The following TBC1D21 variants were observed in gnomAD, a reference collection of about 807,000 sequenced individuals.
TBC1D21 encodes male germ cell Rab GTPase-activating protein.
A neutral mutation model predicts 46.0 loss-of-function variants in TBC1D21; 38 were observed. The observed-to-expected ratio is 0.83, with a 90% CI of 0.64 to 1.08. TBC1D21 has a LOEUF of 1.08. TBC1D21 is among the 50% of genes least tolerant of loss of function. The probability of loss-of-function intolerance (pLI) is 0.00; values close to 1 mark genes in which losing one functional copy is unlikely to be tolerated. For missense variants in TBC1D21, 415 were observed against 417.9 expected (o/e 0.99, Z 0.06); for synonymous variants, 151 against 157.2 (o/e 0.96, Z 0.29).
intron 1 of TBC1D21, among the ~76,000 whole-genome samples, chr15:73,879,481 G>C (rs1276996941): frequency 1.3e-5 from 2 of 152,110 alleles, no homozygotes; most frequent in Non-Finnish European, 2.9e-5. Context: ...GCCTTCCAAA[G>C]TGCTGGGATT....
At position 73,886,110 on chromosome 15, in the gene TBC1D21, C is replaced by G; in HGVS notation, c.612C>G (p.Ala204=). 6.2e-7 allele frequency: 1 copy of G among 1,614,178 alleles called. No individual in the cohort carries two copies. Among genetic ancestry groups the G allele is most frequent in the Middle Eastern group, 1.6e-4 (1 of 6,062 alleles). Residue 204 remains alanine (A), a synonymous_variant, in exon 7 of 11, where the codon GCC becomes GCG. Transcript: ENST00000300504. ...GCTGTGTCATCAACATTGGCGTGGC[C>G]AAGAACCTAGACATGCTCAGCACCC... ...EHSCVINIGV[A]KNLDMLSTLI...
chr15:73,903,901 A>C, the TBC1D21 span, among the ~76,000 whole-genome samples: 21 of 152,298 alleles, frequency 1.4e-4, no homozygotes, highest in Middle Eastern at 3.4e-3. Context: ...AAAAAAAGTT[A>C]GCTGGGTGTG....
intron 3 of TBC1D21, among the ~76,000 whole-genome samples, chr15:73,883,940 T>G (rs756574541): frequency 6.6e-6 from 1 of 152,090 alleles, no homozygotes; most frequent in Admixed American, 6.5e-5. Flanking sequence ...GCCCAAGAAG[T>G]TAAACTGTCT....
At chr15:73,890,871 C>T (rs1341399788), downstream of TBC1D21, among the ~76,000 whole-genome samples, 2 of 152,162 alleles carry the variant, frequency 1.3e-5, no homozygotes, top group African/African-American at 2.4e-5. Context: ...CCCGACCACC[C>T]CTCTCAAGCC....
At chr15:73,887,768 T>G (rs2068277150) in intron 9 of TBC1D21, 32 bp downstream of exon 9, 1 of 1,586,616 alleles carries the variant, frequency 6.3e-7, no homozygotes, top group Admixed American at 1.7e-5. Context: ...CTACCACCCC[T>G]GCTCCTGGAG....
In TBC1D21 at chr15:73,878,412, A is replaced by T. The variant is rs548541442; in HGVS notation, c.61-2987A>T. Reference sequence around the variant, plus strand: ...ATCCCATGGAATCCACAAGAAAGCCACTACGACTACTAAGTGAGTTTTACT... The same window carrying T: ...ATCCCATGGAATCCACAAGAAAGCCTCTACGACTACTAAGTGAGTTTTACT... On this transcript the variant is annotated intron_variant, in intron 1 of 10. Transcript: ENST00000300504. Among the ~76,000 whole-genome samples the T allele has an allele frequency of 2.6e-5, 4 of 152,346 alleles. No homozygotes were observed. In the East Asian group the frequency reaches 7.7e-4, roughly 29 times the overall value.
At chr15:73,905,910 T>C in the TBC1D21 span, among the ~76,000 whole-genome samples, 10 of 151,046 alleles carry the variant, frequency 6.6e-5, no homozygotes, top group Admixed American at 6.5e-4. Flanking sequence ...CCAGGGATCA[T>C]TGTGCCTCCC....
At chr15:73,877,012 A>T (rs1021656722) in intron 1 of TBC1D21, among the ~76,000 whole-genome samples, 2 of 152,178 alleles carry the variant, frequency 1.3e-5, no homozygotes, top group Non-Finnish European at 2.9e-5. Context: ...ATCTAATCTC[A>T]GATATGCTAA....
chr15:73,876,468 C>T (rs539225564), intron 1 of TBC1D21, among the ~76,000 whole-genome samples: 3 of 145,654 alleles, frequency 2.1e-5, no homozygotes, highest in Middle Eastern at 3.6e-3. Context: ...TGGTCTCGAT[C>T]TCTTGACCTC....
At chr15:73,896,015 T>A in the TBC1D21 span, among the ~76,000 whole-genome samples, 1 of 151,798 alleles carries the variant, frequency 6.6e-6, no homozygotes, top group Non-Finnish European at 1.5e-5. Context: ...GTGATAGAGT[T>A]GGAAATAGTT....
chr15:73,877,961 T>C (rs1371752323), intron 1 of TBC1D21, among the ~76,000 whole-genome samples: 1 of 152,228 alleles, frequency 6.6e-6, no homozygotes, highest in Non-Finnish European at 1.5e-5. Context: ...GTTCACATCA[T>C]ACTGAACTGT....
intron 6 of TBC1D21, among the ~76,000 whole-genome samples, chr15:73,885,815 TAC>T (rs3057447): frequency 0.019 from 2,808 of 147,858 alleles, 39 homozygotes; most frequent in African/African-American, 0.045. Context: ...TACACACACA[TAC>T]ACACACACAC....
At chr15:73,875,660 C>A (rs998698456) in intron 1 of TBC1D21, among the ~76,000 whole-genome samples, 9 of 152,242 alleles carry the variant, frequency 5.9e-5, no homozygotes, top group Non-Finnish European at 1.3e-4. Context: ...TGATGTAGAA[C>A]TTTAACCTGC....
chr15:73,891,132 T>C (rs565032132), downstream of TBC1D21, among the ~76,000 whole-genome samples: 6 of 152,332 alleles, frequency 3.9e-5, no homozygotes, highest in East Asian at 7.7e-4. Flanking sequence ...CTTCCCACCA[T>C]GCTGCTATGC....
chr15:73,881,782 G>C, intron 3 of TBC1D21, 35 bp downstream of exon 3: 24 of 1,577,844 alleles, frequency 1.5e-5, no homozygotes, highest in Non-Finnish European at 2.1e-5. Context: ...GACAGGAGGG[G>C]GGCCTGCAGG....
At chr15:73,897,036 C>T in the TBC1D21 span, among the ~76,000 whole-genome samples, 1 of 152,192 alleles carries the variant, frequency 6.6e-6, no homozygotes, top group Admixed American at 6.5e-5. Context: ...AAGCAATGGC[C>T]TCTTGTCACT....
chr15:73,909,471 C>T, the TBC1D21 span, among the ~76,000 whole-genome samples: 1 of 152,170 alleles, frequency 6.6e-6, no homozygotes, highest in Non-Finnish European at 1.5e-5. Flanking sequence ...GCCCTTGCCA[C>T]GGGCTTCACG....
chr15:73,888,425 T>G lies in TBC1D21; in HGVS notation c.895-5T>G, dbSNP rs761330846. The stretch of plus-strand genomic sequence containing the variant: ...ACCCACAACTGCTCCCACACTCCCA[T>G]GCAGGCCTGCAACAACCTCATCGAC... On this transcript the variant is annotated splice_region_variant and splice_polypyrimidine_tract_variant and intron_variant, in intron 9 of 10. Coordinates refer to ENST00000300504, the MANE Select transcript of TBC1D21 (RefSeq NM_153356.3). The G allele has an allele frequency of 6.2e-6, 10 of 1,613,212 alleles. No individual in the cohort carries two copies. The South Asian group carries it at 1.1e-4, about 18-fold the overall frequency.
chr15:73,887,076 A>G (rs1212057369), intron 8 of TBC1D21, among the ~76,000 whole-genome samples: 6 of 151,928 alleles, frequency 3.9e-5, no homozygotes, highest in Non-Finnish European at 5.9e-5. Context: ...CAGCAGATGA[A>G]CCCTCTGAGG....
Sources: gnomAD v4.1 joint callset for allele counts (sites outside exome capture counted in the v4.1 genomes callset) on GRCh38, gnomAD v4.1.1 for gene constraint, MANE v1.5 for transcripts, NCBI Gene and HGNC (gene_info 2026-07-23, HGNC 2026-07-21) for gene names.